Variants in AGL observed in about 807,000 individuals in gnomAD.
AGL encodes the protein amylo-alpha-1,6-glucosidase and 4-alpha-glucanotransferase.
In AGL, 128 loss-of-function variants were observed where a neutral mutation model predicts 199.3. The observed-to-expected ratio is 0.64, with a 90% CI of 0.56 to 0.74. The LOEUF (loss-of-function observed/expected upper bound fraction) is 0.74. Among genes scored for constraint, AGL ranks in the 30% least tolerant of loss-of-function variants. AGL has a pLI of 0.00. For missense variants in AGL, 1,809 were observed against 1,820.8 expected, an observed-to-expected ratio of 0.99 and a Z score of 0.12; for synonymous variants, 584 against 594.7, an observed-to-expected ratio of 0.98 and a Z score of 0.26.
intron 2 of AGL, among the ~76,000 whole-genome samples, chr1:99,855,265 G>C (rs986609417): frequency 6.6e-6 from 1 of 151,960 alleles, no homozygotes; most frequent in Non-Finnish European, 1.5e-5. Flanking sequence ...AGAGGACTTG[G>C]TAACCAATCA....
upstream of AGL, chr1:99,850,196 C>T (rs182466176): frequency 2.0e-5 from 3 of 152,446 alleles, no homozygotes; most frequent in Admixed American, 6.5e-5. Context: ...CGCTGAGACT[C>T]TGCCTGCTTC....
intron 23 of AGL, among the ~76,000 whole-genome samples, chr1:99,892,005 A>T (rs572404868): frequency 6.6e-6 from 1 of 152,268 alleles, no homozygotes; most frequent in South Asian, 2.1e-4. Flanking sequence ...TCACTGACTT[A>T]TTGAGTTAAT....
intron 27 of AGL, among the ~76,000 whole-genome samples, chr1:99,904,725 C>T (rs1357725023): frequency 6.6e-6 from 1 of 152,170 alleles, no homozygotes; most frequent in African/African-American, 2.4e-5. Flanking sequence ...ATATAACCTT[C>T]TGAGATTGAT....
intron 23 of AGL, 76 bp downstream of exon 23, chr1:99,891,815 TA>T: frequency 6.5e-7 from 1 of 1,547,118 alleles, no homozygotes; most frequent in South Asian, 1.1e-5. Context: ...TACATGTTCT[TA>T]AAAAACCAAA....
intron 30 of AGL, 119 bp from the exon 31 acceptor site, chr1:99,915,270 A>G: frequency 1.2e-6 from 1 of 844,620 alleles, no homozygotes; most frequent in South Asian, 1.4e-5. Context: ...CTACACTCAA[A>G]TTCTGACCCT....
At position 99,913,709 on chromosome 1, in the gene AGL, A is replaced by G. The variant is rs567731353; in HGVS notation, c.4132A>G (p.Arg1378Gly). 1.2e-6 allele frequency: 2 copies of G among 1,614,134 alleles called. No individual in the cohort carries two copies. The highest frequency in any genetic ancestry group is 1.3e-5 in the African/African-American group (1 of 75,050). ...AAGTCCTTGGTGTGACTATCAGCTC[A>G]GGCCTAATTTTACCATAGCAATGGT... ...ASSPWCDYQL[R>G]PNFTIAMVVA... Residue 1378 changes from arginine (R) to glycine (G), a missense_variant, in exon 30 of 34, where the codon AGG becomes GGG. Transcript: ENST00000361915.
intron 8 of AGL, 120 bp downstream of exon 8, chr1:99,874,930 G>C (rs1570432951): frequency 2.3e-6 from 3 of 1,279,310 alleles, no homozygotes; most frequent in Admixed American, 4.1e-5. Context: ...GTAATTCACT[G>C]TAATTCTACT....
intron 27 of AGL, among the ~76,000 whole-genome samples, chr1:99,904,999 A>G (rs899674551): frequency 1.3e-5 from 2 of 152,202 alleles, no homozygotes; most frequent in Non-Finnish European, 2.9e-5. Context: ...ATGTCCAAGA[A>G]TGGGATTGGT....
Position 99,881,577 on chromosome 1 carries a change from G to A in AGL, c.2194G>A (p.Val732Ile), listed in dbSNP as rs766780186. ...TCAAGTTGATGAAGACATAGTGGCAGTAACAAGACACTCACCTAGCATCCA... is the reference window on the plus strand; with the variant it reads ...TCAAGTTGATGAAGACATAGTGGCAATAACAAGACACTCACCTAGCATCCA... ...VDQVDEDIVAVTRHSPSIHQS... is the reference protein window; with the variant it reads ...VDQVDEDIVAITRHSPSIHQS... The change falls in exon 17 of 34, where the codon GTA becomes ATA. Residue 732 changes from valine (V) to isoleucine (I), a missense_variant. Coordinates refer to ENST00000361915, the MANE Select transcript of AGL (RefSeq NM_000642.3). 8.1e-6 allele frequency: 13 copies of A among 1,614,042 alleles called. No individual in the cohort carries two copies. The highest frequency in any genetic ancestry group is 1.0e-5 in the Non-Finnish European group (12 of 1,179,972).
chr1:99,884,705 T>G lies in AGL; in HGVS notation c.2681+2T>G. The G allele has an allele frequency of 6.2e-7, 1 of 1,613,906 alleles. No individual in the cohort carries two copies. Among genetic ancestry groups the G allele is most frequent in the Non-Finnish European group, 8.5e-7 (1 of 1,179,888 alleles). On this transcript the variant is annotated splice_donor_variant, in intron 20 of 33. Coordinates refer to ENST00000361915, the MANE Select transcript of AGL (RefSeq NM_000642.3). LOFTEE classifies it high-confidence loss of function. The stretch of plus-strand genomic sequence containing the variant: ...TATATTAAAAATTCCTTTTGCTTCG[T>G]AAGTATGCCTTGTTTGGTAGAGATT...
chr1:99,875,508 TTTAAC>T (rs1651449105), intron 10 of AGL, 53 bp downstream of exon 10: 1 of 1,459,186 alleles, frequency 6.9e-7, no homozygotes, highest in Non-Finnish European at 9.6e-7. Flanking sequence ...GAAAATTGTA[TTTAAC>T]TTTTGAAATT....
chr1:99,893,561 A>G (rs143947020), intron 24 of AGL, among the ~76,000 whole-genome samples: 96 of 152,338 alleles, frequency 6.3e-4, no homozygotes, highest in South Asian at 6.2e-4. Flanking sequence ...CCTACTTTTT[A>G]GAACCCATTA....
chr1:99,891,328 T>C lies in AGL; in HGVS notation c.2921T>C (p.Leu974Pro), dbSNP rs1652882425. ...ATGATTGACTATGTCAGTAACCGGC[T>C]TATTTCACGATCAGGAACTATTGCT... ...DWMIDYVSNR[L>P]ISRSGTIAEV... The change falls in exon 22 of 34, where the codon CTT (leucine) becomes CCT (proline). Residue 974 changes from leucine (L) to proline (P), a missense_variant. Coordinates refer to ENST00000361915, the MANE Select transcript of AGL (RefSeq NM_000642.3). The C allele has an allele frequency of 2.5e-6, 4 of 1,613,672 alleles. No homozygotes were observed. The highest frequency in any genetic ancestry group is 3.4e-6 in the Non-Finnish European group (4 of 1,179,752).
At chr1:99,887,910 C>T in intron 20 of AGL, 68 bp from the exon 21 acceptor site, 2 of 1,559,188 alleles carry the variant, frequency 1.3e-6, no homozygotes, top group South Asian at 1.1e-5. Flanking sequence ...TTCAGATTTT[C>T]TTCTTTTGTT....
Position 99,916,685 on chromosome 1 carries a change from G to C in AGL, c.4435G>C (p.Val1479Leu). The C allele has an allele frequency of 1.2e-6, 2 of 1,613,360 alleles. No individual in the cohort carries two copies. The highest frequency in any genetic ancestry group is 1.7e-6 in the Non-Finnish European group (2 of 1,179,608). Residue 1479 changes from valine to leucine, a missense_variant, in exon 33 of 34, where the codon GTT becomes CTT. Val to Leu is a conservative substitution (Grantham distance 32, BLOSUM62 1). Transcript: ENST00000361915. ...CCCGGAGACTACTGCAAAGACTATA[G>C]TTTTGGTTAAAAATGTTCTTTCCCG... The part of the protein sequence containing the change: ...MGPETTAKTI[V>L]LVKNVLSRHY...
In AGL at chr1:99,876,470, C is replaced by T. The variant is rs1651538959; in HGVS notation, c.1296C>T (p.Phe432=). The T allele has an allele frequency of 6.3e-7, 1 of 1,599,562 alleles. No homozygotes were observed. Among genetic ancestry groups the T allele is most frequent in the Non-Finnish European group, 8.6e-7 (1 of 1,167,482 alleles). ...TATATTTTCATAGGTATTTTACTTT[C>T]CCATTTGAAGAGATAGACTTCTCCA... is the stretch of plus-strand genomic sequence containing the variant. The part of the protein sequence containing the change: ...KHPLVTRYFT[F]PFEEIDFSME... Residue 432 remains phenylalanine (F), a synonymous_variant, in exon 11 of 34, where the codon TTC becomes TTT. Transcript: ENST00000361915.
intron 10 of AGL, among the ~76,000 whole-genome samples, chr1:99,875,945 GC>G (rs1276673895): frequency 1.3e-5 from 2 of 152,178 alleles, no homozygotes; most frequent in African/African-American, 4.8e-5. Context: ...CACGATCTCA[GC>G]TCATTGCAAC....
chr1:99,860,853 C>T (rs1649973866), intron 2 of AGL, among the ~76,000 whole-genome samples: 1 of 152,180 alleles, frequency 6.6e-6, no homozygotes, highest in South Asian at 2.1e-4. Context: ...AGTCAGCAAA[C>T]ACTCCAAGTC....
At chr1:99,887,848 T>A (rs1260348340) in intron 20 of AGL, 130 bp from the exon 21 acceptor site, 70 of 1,014,088 alleles carry the variant, frequency 6.9e-5, no homozygotes, top group Non-Finnish European at 9.7e-5. Flanking sequence ...TAATGTTTAT[T>A]TGAATGCTGA....
Sources: allele counts gnomAD v4.1 joint callset (sites outside exome capture counted in the v4.1 genomes callset), GRCh38; gene constraint gnomAD v4.1.1; transcripts MANE v1.5; gene names NCBI Gene and HGNC (gene_info 2026-07-23, HGNC 2026-07-21).